Variants in JPH1 observed in about 807,000 individuals in gnomAD.
JPH1 encodes junctophilin 1, also known as junctophilin-1.
JPH1 carries 12 observed loss-of-function variants against 53.6 expected under a neutral mutation model. That is an observed-to-expected ratio of 0.22 (90% CI 0.14 to 0.36). The LOEUF is 0.36. JPH1 is among the 10% of genes least tolerant of loss of function. The pLI, the probability that JPH1 is intolerant of heterozygous loss-of-function variation, is 1.00. For synonymous variants in JPH1, 375 were observed against 363.8 expected (o/e 1.03, Z -0.35); for missense variants, 808 against 905.5 (o/e 0.89, Z 1.38).
intron 2 of JPH1, among the ~76,000 whole-genome samples, chr8:74,301,927 C>T (rs540830582): frequency 7.2e-5 from 11 of 152,246 alleles, no homozygotes; most frequent in African/African-American, 2.6e-4. Context: ...AAGCAGGGTA[C>T]ATGGGTTCAA....
At position 74,280,291 on chromosome 8, in the gene JPH1, A is replaced by C. The variant is rs552385458; in HGVS notation, c.1140-20788T>G. Among the ~76,000 whole-genome samples, 9 of 152,318 alleles carry C rather than the reference A, an allele frequency of 5.9e-5. No homozygotes were observed. In the South Asian group the frequency reaches 1.7e-3, roughly 28 times the overall value. ...AGAACCATACAGGGTGCAAAGTACA[A>C]ATATCCCTAATGGACTGGGCAAAAG... On this transcript the variant is annotated intron_variant, in intron 2 of 5. Transcript: ENST00000342232.
At chr8:74,266,123 T>C (rs1806524162) in intron 2 of JPH1, among the ~76,000 whole-genome samples, 1 of 150,402 alleles carries the variant, frequency 6.6e-6, no homozygotes, top group South Asian at 2.1e-4. Context: ...TTTCAGTATA[T>C]ACTAAAAAAA....
intron 2 of JPH1, among the ~76,000 whole-genome samples, chr8:74,285,435 T>C (rs1328948701): frequency 3.3e-5 from 5 of 152,102 alleles, no homozygotes; most frequent in African/African-American, 9.7e-5. Context: ...TGAAATCCAA[T>C]ATATAGTATA....
At chr8:74,300,223 C>G (rs140618336) in intron 2 of JPH1, among the ~76,000 whole-genome samples, 72 of 152,362 alleles carry the variant, frequency 4.7e-4, no homozygotes, top group African/African-American at 1.6e-3. Flanking sequence ...AGTCAATCCA[C>G]TCCTTTGTTA....
chr8:74,267,201 G>A (rs1806557594), intron 2 of JPH1, among the ~76,000 whole-genome samples: 2 of 152,130 alleles, frequency 1.3e-5, no homozygotes, highest in Admixed American at 6.5e-5. Flanking sequence ...GGTTCTAAAC[G>A]GAACTGTGAG....
chr8:74,267,513 T>C (rs532494291), intron 2 of JPH1, among the ~76,000 whole-genome samples: 1 of 152,192 alleles, frequency 6.6e-6, no homozygotes, highest in Non-Finnish European at 1.5e-5. Context: ...GTGCAGTCAC[T>C]GAAATGAGTC....
intron 2 of JPH1, among the ~76,000 whole-genome samples, chr8:74,273,271 C>T (rs1429701597): frequency 6.6e-6 from 1 of 152,134 alleles, no homozygotes; most frequent in Non-Finnish European, 1.5e-5. Flanking sequence ...AATATGTACA[C>T]ACATTTTAAA....
At chr8:74,287,646 C>T (rs572093208) in intron 2 of JPH1, among the ~76,000 whole-genome samples, 29 of 150,150 alleles carry the variant, frequency 1.9e-4, no homozygotes, top group African/African-American at 7.1e-4. Flanking sequence ...TTTGCACATA[C>T]AATTTAACAA....
At chr8:74,242,977 T>C (rs1054081743) in intron 4 of JPH1, among the ~76,000 whole-genome samples, 11 of 152,296 alleles carry the variant, frequency 7.2e-5, no homozygotes, top group African/African-American at 2.4e-4. Flanking sequence ...AACTTTTTTT[T>C]CCCCCTATCA....
chr8:74,315,721 C>T lies in JPH1; in HGVS notation c.380-101G>A. ...GGCGCAGGCCTGCCCAAGGTCAAAT[C>T]TGACCCATTTCCAAGTCAACCCTGG... On this transcript the variant is annotated intron_variant, in intron 1 of 5. Coordinates refer to ENST00000342232, the MANE Select transcript of JPH1 (RefSeq NM_020647.4). This position sits in a 1 kb window ranked among gnomAD's most constrained non-coding sequence, Gnocchi z 6.3. 1 of 1,193,274 alleles carries T rather than the reference C, an allele frequency of 8.4e-7. No homozygotes were observed. Among genetic ancestry groups the T allele is most frequent in the Non-Finnish European group, 1.1e-6 (1 of 884,806 alleles). The allele number at this position is 1,193,274 out of a possible 1,614,324, so 73.9% of individuals were successfully genotyped here.
At chr8:74,311,223 A>G (rs542050515) in intron 2 of JPH1, among the ~76,000 whole-genome samples, 9 of 152,382 alleles carry the variant, frequency 5.9e-5, no homozygotes, top group African/African-American at 1.9e-4. Context: ...ATGATGAACT[A>G]GTGACTTCAA....
intron 2 of JPH1, among the ~76,000 whole-genome samples, chr8:74,285,244 TAC>T (rs1807129125): frequency 6.6e-6 from 1 of 152,084 alleles, no homozygotes; most frequent in Admixed American, 6.6e-5. Flanking sequence ...TAACTGCACA[TAC>T]ACACATACAC....
chr8:74,259,410 C>A lies in JPH1; in HGVS notation c.1233G>T (p.Glu411Asp). The A allele has an allele frequency of 6.2e-7, 1 of 1,613,936 alleles. No homozygotes were observed. Among genetic ancestry groups the A allele is most frequent in the Non-Finnish European group, 8.5e-7 (1 of 1,179,868 alleles). The change falls in exon 3 of 6, where the codon GAG becomes GAT. Residue 411 changes from glutamate (E) to aspartate (D), a missense_variant. This residue lies in a region of JPH1 where 756 missense variants were observed against 811.9 expected (regional missense o/e 0.93). Transcript: ENST00000342232. The stretch of plus-strand genomic sequence containing the variant: ...CTGGTTGGTAGAAATCAGGTGACAG[C>A]TCCCTGGCCACAGCTCTCGCGATGT... Reference protein sequence around the residue: ...ECDIARAVARELSPDFYQPGP... With the variant: ...ECDIARAVARDLSPDFYQPGP...
Position 74,259,500 on chromosome 8 carries a change from A to C in JPH1, c.1143T>G (p.Thr381=). 1 of 1,587,406 alleles carries C rather than the reference A, an allele frequency of 6.3e-7. No homozygotes were observed. Among genetic ancestry groups the C allele is most frequent in the Non-Finnish European group, 8.6e-7 (1 of 1,162,324 alleles). Residue 381 remains threonine, a synonymous_variant, in exon 3 of 6, where the codon ACT becomes ACG. Transcript: ENST00000342232. ...CATCGGCCTTCGCTCTGGCATGTGC[A>C]GTCCTACACGGGGCACAAAAGGACG... ...RTKVEIANSR[T]AHARAKADAA...
At position 74,236,046 on chromosome 8, in the gene JPH1, A is replaced by G. The variant is rs746797661; in HGVS notation, c.*1005T>C. On this transcript the variant is annotated 3_prime_UTR_variant, in exon 6 of 6. Coordinates refer to ENST00000342232, the MANE Select transcript of JPH1 (RefSeq NM_020647.4). ...AAACTGAATCCTTTAAACACTGATT[A>G]CTGCAATCCATGCAACGTTTGGACT... 2.6e-5 allele frequency: 4 copies of G among 152,232 alleles called. No homozygotes were observed. The highest frequency in any genetic ancestry group is 5.9e-5 in the Non-Finnish European group (4 of 68,036). 9.4% of individuals were successfully genotyped at this position (152,232 alleles called of 1,614,324 possible).
chr8:74,278,050 A>G (rs1010274134), intron 2 of JPH1, among the ~76,000 whole-genome samples: 5 of 152,172 alleles, frequency 3.3e-5, no homozygotes, highest in Non-Finnish European at 7.3e-5. Flanking sequence ...AAGAGGCAAT[A>G]TATGTGATAT....
intron 2 of JPH1, among the ~76,000 whole-genome samples, chr8:74,301,380 A>C (rs1171253579): frequency 6.6e-6 from 1 of 152,188 alleles, no homozygotes; most frequent in East Asian, 1.9e-4. Context: ...TGCACTTTCC[A>C]AATTTTAGTG....
intron 2 of JPH1, among the ~76,000 whole-genome samples, chr8:74,275,720 C>A (rs1806827310): frequency 6.6e-6 from 1 of 152,152 alleles, no homozygotes; most frequent in African/African-American, 2.4e-5. Flanking sequence ...TCACAACAGA[C>A]AATGGGAGCA....
At chr8:74,245,319 GTTTA>G (rs1805827064) in intron 3 of JPH1, 144 bp from the exon 4 acceptor site, 5 of 727,286 alleles carry the variant, frequency 6.9e-6, no homozygotes, top group South Asian at 6.2e-5. Context: ...CTGGGGAAAA[GTTTA>G]TTTATTATGG....
Sources: allele counts gnomAD v4.1 joint callset (sites outside exome capture counted in the v4.1 genomes callset), GRCh38; gene constraint gnomAD v4.1.1; regional missense constraint gnomAD v4.1.1; non-coding constraint Gnocchi (gnomAD v3.1); transcripts MANE v1.5; gene names NCBI Gene and HGNC (gene_info 2026-07-23, HGNC 2026-07-21).